The following RAPGEF6 variants were observed in gnomAD, a reference collection of about 807,000 sequenced individuals.
RAPGEF6 encodes the protein Rap guanine nucleotide exchange factor 6, also known as PDZ domain containing guanine nucleotide exchange factor (GEF) 2.
A neutral mutation model predicts 171.4 loss-of-function variants in RAPGEF6; 56 were observed. The observed-to-expected ratio is 0.33, with a 90% CI of 0.26 to 0.41. The LOEUF is 0.41. RAPGEF6 is among the 10% of genes least tolerant of loss of function. RAPGEF6 has a pLI of 1.00. For synonymous variants in RAPGEF6, 692 were observed against 650.1 expected, an observed-to-expected ratio of 1.06 and a Z score of -0.98; for missense variants, 1,674 against 1,921.4, an observed-to-expected ratio of 0.87 and a Z score of 2.41.
intron 17 of RAPGEF6, among the ~76,000 whole-genome samples, chr5:131,470,495 G>C (rs1408185453): frequency 6.6e-6 from 1 of 151,988 alleles, no homozygotes; most frequent in African/African-American, 2.4e-5. Context: ...TATTCCCTCA[G>C]CCCCACATCC....
At chr5:131,524,117 G>C (rs1758698358) in intron 6 of RAPGEF6, among the ~76,000 whole-genome samples, 1 of 152,110 alleles carries the variant, frequency 6.6e-6, no homozygotes, top group Admixed American at 6.5e-5. Flanking sequence ...TTCCTTAGCA[G>C]TCCTACAATG....
At chr5:131,574,231 G>A (rs1389015891) in intron 4 of RAPGEF6, among the ~76,000 whole-genome samples, 1 of 152,168 alleles carries the variant, frequency 6.6e-6, no homozygotes, top group Non-Finnish European at 1.5e-5. Context: ...CCCACTGGAA[G>A]TCAGATTGTC....
At chr5:131,603,450 T>G (rs1027809384) in intron 2 of RAPGEF6, 123 bp from the exon 3 acceptor site, 2 of 634,950 alleles carry the variant, frequency 3.1e-6, no homozygotes, top group African/African-American at 3.8e-5. Flanking sequence ...TACCAGTATG[T>G]TGTCACTAAA....
At chr5:131,621,559 T>A (rs992959870) in intron 1 of RAPGEF6, among the ~76,000 whole-genome samples, 3 of 152,142 alleles carry the variant, frequency 2.0e-5, no homozygotes, top group African/African-American at 7.2e-5. Context: ...CCCAATGTTT[T>A]GGGATTACAG....
At chr5:131,492,924 TC>T in intron 13 of RAPGEF6, 139 bp from the exon 14 acceptor site, 1 of 719,288 alleles carries the variant, frequency 1.4e-6, no homozygotes, top group Non-Finnish European at 2.3e-6. Context: ...AAGGGGGCAC[TC>T]CCACGCCAAA....
At chr5:131,508,253 A>AC in intron 8 of RAPGEF6, 46 bp from the exon 9 acceptor site, 1 of 1,508,706 alleles carries the variant, frequency 6.6e-7, no homozygotes, top group South Asian at 1.3e-5. Flanking sequence ...CGAGGACTAT[A>AC]CCTTAAAAAT....
intron 6 of RAPGEF6, among the ~76,000 whole-genome samples, chr5:131,535,619 T>C (rs1249834257): frequency 1.3e-5 from 2 of 152,174 alleles, no homozygotes; most frequent in African/African-American, 4.8e-5. Flanking sequence ...AAAGGTCTTT[T>C]GCACTACTAT....
intron 17 of RAPGEF6, 65 bp downstream of exon 17, chr5:131,472,522 G>C: frequency 6.5e-7 from 1 of 1,545,790 alleles, no homozygotes. Context: ...TGCTGCACAA[G>C]GCTTAACCAT....
intron 1 of RAPGEF6, among the ~76,000 whole-genome samples, chr5:131,624,886 G>C (rs747166540): frequency 7.2e-5 from 11 of 152,222 alleles, no homozygotes; most frequent in Non-Finnish European, 1.5e-4. Flanking sequence ...ACTTTGGGAG[G>C]TCGAGGCGGG....
rs1295076381 is a variant in RAPGEF6, at chr5:131,589,069, T to TA, written c.281+3313dup. On this transcript the variant is annotated intron_variant, in intron 4 of 27. Transcript: ENST00000509018. Reference sequence around the variant, plus strand: ...TGGGTGACAGAGTGAGACTCTGTCTTAAAAAAAAAAAGGTTAATGAAAAAC... The same window carrying TA: ...TGGGTGACAGAGTGAGACTCTGTCTTAAAAAAAAAAAAGGTTAATGAAAAAC... Among the ~76,000 whole-genome samples the TA allele has an allele frequency of 1.4e-3, 198 of 144,162 alleles. 1 individual carries two copies. Among genetic ancestry groups the TA allele is most frequent in the East Asian group, 4.2e-3 (21 of 4,968 alleles). The allele number at this position is 144,162 out of a possible 152,430, so 94.6% of individuals were successfully genotyped here. A position where few individuals can be genotyped will look rare whatever the true frequency, so the allele number is the denominator to read the frequency against.
intron 21 of RAPGEF6, among the ~76,000 whole-genome samples, chr5:131,448,363 C>T (rs1752853217): frequency 6.6e-6 from 1 of 152,122 alleles, no homozygotes; most frequent in Admixed American, 6.5e-5. Flanking sequence ...AGTTTTCACA[C>T]TGTGATAAAA....
intron 7 of RAPGEF6, among the ~76,000 whole-genome samples, chr5:131,512,694 T>C (rs1757815942): frequency 6.6e-6 from 1 of 152,184 alleles, no homozygotes. Context: ...GTCTGAATGT[T>C]TGTACCTCCT....
intron 26 of RAPGEF6, 52 bp from the exon 27 acceptor site, chr5:131,429,268 A>G: frequency 7.1e-7 from 1 of 1,403,670 alleles, no homozygotes; most frequent in Non-Finnish European, 9.7e-7. Context: ...AATGGAAAAA[A>G]AAAGAAACCA....
In RAPGEF6 at chr5:131,524,609, T is replaced by TGAGAGAGAGAGAGA. The variant is rs55956395; in HGVS notation, c.496-3102_496-3089dup. The stretch of plus-strand genomic sequence containing the variant: ...GGAGAGGGAGGGGGGAGAGAGAGAT[T>TGAGAGAGAGAGAGA]GAGAGAGAGAGAGAGAGAGAGAGAG... On this transcript the variant is annotated intron_variant, in intron 6 of 27. Coordinates refer to ENST00000509018, the MANE Select transcript of RAPGEF6 (RefSeq NM_016340.6). 1.2e-3 allele frequency among the ~76,000 whole-genome samples: 157 copies of TGAGAGAGAGAGAGA among 135,010 alleles called. 1 individual carries two copies. Among genetic ancestry groups the TGAGAGAGAGAGAGA allele is most frequent in the African/African-American group, 4.1e-3 (145 of 34,988 alleles). The allele number at this position is 135,010 out of a possible 152,430, so 88.6% of individuals were successfully genotyped here.
intron 21 of RAPGEF6, among the ~76,000 whole-genome samples, chr5:131,452,064 C>T (rs1753121627): frequency 1.3e-5 from 2 of 152,000 alleles, no homozygotes; most frequent in East Asian, 1.9e-4. Flanking sequence ...ACTAAAAATA[C>T]AAAAAATTAG....
At chr5:131,492,886 G>A (rs1246492761) in intron 13 of RAPGEF6, 101 bp from the exon 14 acceptor site, 6 of 1,161,594 alleles carry the variant, frequency 5.2e-6, no homozygotes, top group South Asian at 1.5e-5. Flanking sequence ...AAATATACAT[G>A]TATAAGCTGA....
rs1763814623 is a variant in RAPGEF6 at position 131,595,094 on chromosome 5, T to C, written c.198-2628A>G. ...GATTTGGGAGGGGCCAGTGGTGGAA[T>C]AATATGGTTTGGCTCTATGTCCCCA... On this transcript the variant is annotated intron_variant, in intron 3 of 27. Transcript: ENST00000509018. 2.0e-5 allele frequency among the ~76,000 whole-genome samples: 3 copies of C among 152,096 alleles called. No individual in the cohort carries two copies. In the South Asian group the frequency reaches 6.2e-4, roughly 31 times the overall value.
At chr5:131,456,742 C>T (rs1034686585) in intron 19 of RAPGEF6, among the ~76,000 whole-genome samples, 1 of 152,158 alleles carries the variant, frequency 6.6e-6, no homozygotes, top group African/African-American at 2.4e-5. Flanking sequence ...CTGACTTTTA[C>T]CAACACCACT....
chr5:131,508,476 T>C (rs191713211), intron 8 of RAPGEF6, among the ~76,000 whole-genome samples: 108 of 152,372 alleles, frequency 7.1e-4, no homozygotes, highest in Middle Eastern at 3.4e-3. Context: ...CAGGTTCAGA[T>C]GAAAGCGGAG....
Sources: gnomAD v4.1 joint callset for allele counts (sites outside exome capture counted in the v4.1 genomes callset) on GRCh38, gnomAD v4.1.1 for gene constraint, MANE v1.5 for transcripts, NCBI Gene and HGNC (gene_info 2026-07-23, HGNC 2026-07-21) for gene names.